Variants in FRMD4A observed in about 807,000 individuals in gnomAD.
FRMD4A encodes FERM domain containing 4A.
In FRMD4A, 29 loss-of-function variants were observed where a neutral mutation model predicts 129.1. The observed-to-expected ratio is 0.22, with a 90% confidence interval of 0.17 to 0.31. The LOEUF is 0.31. FRMD4A is among the 10% of genes least tolerant of loss of function. FRMD4A has a pLI of 1.00. For missense variants in FRMD4A, 1,272 were observed against 1,375.8 expected (o/e 0.92, Z 1.19); for synonymous variants, 634 against 571.6 (o/e 1.11, Z -1.56).
intron 2 of FRMD4A, among the ~76,000 whole-genome samples, chr10:13,929,348 A>G (rs1317629409): frequency 1.3e-5 from 2 of 152,184 alleles, no homozygotes; most frequent in African/African-American, 4.8e-5. Flanking sequence ...AGCTGGAGGT[A>G]CAGCGTGCTA....
intron 2 of FRMD4A, chr10:14,083,646 T>C (rs1836063461): frequency 6.6e-6 from 1 of 152,238 alleles, no homozygotes; most frequent in African/African-American, 2.4e-5. Context: ...ACTTGGACAG[T>C]GTCTCTAGTT....
chr10:14,175,827 A>G (rs1305710021), intron 2 of FRMD4A, among the ~76,000 whole-genome samples: 2 of 151,994 alleles, frequency 1.3e-5, no homozygotes, highest in African/African-American at 4.8e-5. Context: ...TCAGGGTCCA[A>G]TTTTCTATTC....
chr10:13,860,624 C>T (rs562801469), intron 2 of FRMD4A, among the ~76,000 whole-genome samples: 9 of 152,222 alleles, frequency 5.9e-5, no homozygotes, highest in Non-Finnish European at 1.3e-4. Context: ...AGAAAGGATG[C>T]GCATCAGTAG....
At chr10:14,220,251 C>A (rs1328182650) in intron 2 of FRMD4A, among the ~76,000 whole-genome samples, 8 of 152,234 alleles carry the variant, frequency 5.3e-5, no homozygotes, top group African/African-American at 1.7e-4. Context: ...TGAGTCACCT[C>A]CACCAAGTCA....
intron 2 of FRMD4A, among the ~76,000 whole-genome samples, chr10:14,051,615 C>A (rs542681029): frequency 1.4e-4 from 22 of 152,326 alleles, no homozygotes; most frequent in Admixed American, 5.9e-4. Flanking sequence ...TTGACACTGG[C>A]AGATTCAGCA....
chr10:14,297,484 T>C (rs1234159264), intron 2 of FRMD4A, among the ~76,000 whole-genome samples: 1 of 152,082 alleles, frequency 6.6e-6, no homozygotes, highest in Non-Finnish European at 1.5e-5. Flanking sequence ...TATGGATGGC[T>C]CATCATTATC....
rs147034968 is a variant in FRMD4A at position 13,688,355 on chromosome 10, G to A, written c.1117+5543C>T. ...TGGGAATTGAAGAATGAGAACACAT[G>A]GACACAGGAAGGGGAACATCACACA... is the stretch of plus-strand genomic sequence containing the variant. On this transcript the variant is annotated intron_variant, in intron 15 of 24. Coordinates refer to ENST00000357447, the MANE Select transcript of FRMD4A (RefSeq NM_018027.5). Among the ~76,000 whole-genome samples the A allele has an allele frequency of 9.1e-3, 1,392 of 152,162 alleles. 12 individuals are homozygous for A. The highest frequency in any genetic ancestry group is 0.016 in the Non-Finnish European group (1,078 of 68,000).
At chr10:14,026,663 G>A (rs985647456) in intron 2 of FRMD4A, among the ~76,000 whole-genome samples, 7 of 152,240 alleles carry the variant, frequency 4.6e-5, no homozygotes, top group Non-Finnish European at 8.8e-5. Context: ...GTTTTGCCAT[G>A]TCTGAAATTG....
At chr10:13,963,504 C>T (rs2457862) in intron 2 of FRMD4A, among the ~76,000 whole-genome samples, 78,215 of 151,930 alleles carry the variant, frequency 0.51, 20,508 homozygotes, top group East Asian at 0.79. Context: ...CAGTCCAAGA[C>T]TGGTTGTATG....
At chr10:14,243,210 C>A (rs551702549) in intron 2 of FRMD4A, among the ~76,000 whole-genome samples, 1 of 152,278 alleles carries the variant, frequency 6.6e-6, no homozygotes, top group South Asian at 2.1e-4. Flanking sequence ...GGCTCTGTGT[C>A]CTCATCCAAA....
rs544552337 is a variant in FRMD4A at position 14,330,114 on chromosome 10, C to T, written c.-12G>A. On this transcript the variant is annotated 5_prime_UTR_variant, in exon 2 of 25. Transcript: ENST00000357447. ...AGCTGCACTGCCATGGTCTCCGATT[C>T]CCATGCACGAATCCTGCTGCCGAGT... 6.4e-7 allele frequency: 1 copy of T among 1,552,006 alleles called. No individual in the cohort carries two copies. Among genetic ancestry groups the T allele is most frequent in the South Asian group, 1.2e-5 (1 of 84,066 alleles).
intron 2 of FRMD4A, among the ~76,000 whole-genome samples, chr10:14,128,004 CTTTCTTT>C (rs1838990933): frequency 1.1e-5 from 1 of 93,442 alleles, no homozygotes. Context: ...CTCTCTCTTT[CTTTCTTT>C]CTTCCTTCCT....
chr10:14,016,011 G>T (rs1258043439), intron 2 of FRMD4A, among the ~76,000 whole-genome samples: 1 of 152,182 alleles, frequency 6.6e-6, no homozygotes. Context: ...AAGAACTGGG[G>T]ATGCAAGATA....
chr10:13,793,784 C>T (rs2093054427), intron 5 of FRMD4A, among the ~76,000 whole-genome samples: 2 of 152,286 alleles, frequency 1.3e-5, no homozygotes, highest in African/African-American at 2.4e-5. Context: ...AGAAAACTGC[C>T]TGTGAGCATC....
intron 2 of FRMD4A, among the ~76,000 whole-genome samples, chr10:13,867,684 TATATATAATATAATATATAATAAATA>T (rs2094386227): frequency 1.1e-4 from 4 of 35,662 alleles, no homozygotes; most frequent in Middle Eastern, 0.018. Context: ...ATATAATAAA[TATATATAATATAATATATAATAAATA>T]ACATATAATA....
At chr10:13,785,778 C>G (rs1051769065) in intron 5 of FRMD4A, among the ~76,000 whole-genome samples, 2 of 151,978 alleles carry the variant, frequency 1.3e-5, no homozygotes, top group East Asian at 3.9e-4. Context: ...CCCTACCCCC[C>G]ACCCCACGAC....
chr10:14,048,483 A>G (rs1834084038), intron 2 of FRMD4A, among the ~76,000 whole-genome samples: 1 of 152,156 alleles, frequency 6.6e-6, no homozygotes, highest in African/African-American at 2.4e-5. Context: ...CCTAGTCATC[A>G]CTAAGACATG....
At chr10:13,806,192 G>A (rs1394514290) in intron 4 of FRMD4A, among the ~76,000 whole-genome samples, 1 of 151,694 alleles carries the variant, frequency 6.6e-6, no homozygotes, top group Non-Finnish European at 1.5e-5. Context: ...TCTTGCTATT[G>A]CCCAGGCTCG....
intron 2 of FRMD4A, among the ~76,000 whole-genome samples, chr10:13,908,178 A>C (rs868558848): frequency 0.06 from 9,022 of 149,560 alleles, 1,138 homozygotes; most frequent in African/African-American, 0.21. Flanking sequence ...AAAAAAAAAA[A>C]AAAAAAAAAA....
Sources: gnomAD v4.1 joint callset for allele counts (sites outside exome capture counted in the v4.1 genomes callset) on GRCh38, gnomAD v4.1.1 for gene constraint, MANE v1.5 for transcripts, NCBI Gene and HGNC (gene_info 2026-07-23, HGNC 2026-07-21) for gene names.